Variants in GCFC2 observed in about 807,000 individuals in gnomAD.
The protein encoded by GCFC2 is intron Large complex component GCFC2.
GCFC2 carries 102 observed loss-of-function variants against 99.4 expected under a neutral mutation model. The observed-to-expected ratio is 1.03, with a 90% CI of 0.87 to 1.21. The LOEUF is 1.21. Ranked by LOEUF, GCFC2 falls within the 50% of genes most tolerant of loss-of-function variation. GCFC2 has a pLI of 0.00. For synonymous variants in GCFC2, 338 were observed against 316.8 expected (o/e 1.07, Z -0.71); for missense variants, 973 against 920.9 (o/e 1.06, Z -0.73).
rs750587457 is a variant in GCFC2, at chr2:75,710,585, G to A, written c.265+6C>T. 5.5e-5 allele frequency: 83 copies of A among 1,507,918 alleles called. No homozygotes were observed. The African/African-American group carries it at 1.1e-3, about 20-fold the overall frequency. 93.4% of individuals were successfully genotyped at this position (1,507,918 alleles called of 1,614,324 possible). A position where few individuals can be genotyped will look rare whatever the true frequency, so the allele number is the denominator to read the frequency against. On this transcript the variant is annotated splice_donor_region_variant and intron_variant, in intron 1 of 16. Coordinates refer to ENST00000321027, the MANE Select transcript of GCFC2 (RefSeq NM_003203.5). ...CCTCCCCGCTTCCCCGCGTCTCCCT[G>A]GACACCTGAGCCTTCGTCCGCGCGG...
At chr2:75,696,449 G>T in intron 4 of GCFC2, 134 bp from the exon 5 acceptor site, 2 of 471,554 alleles carry the variant, frequency 4.2e-6, no homozygotes, top group South Asian at 4.2e-5. Context: ...AATTTTTCAT[G>T]GTCCCAATAA....
Position 75,691,988 on chromosome 2 carries a change from T to C in GCFC2, c.1133A>G (p.Gln378Arg). The C allele has an allele frequency of 6.5e-7, 1 of 1,533,876 alleles. No individual in the cohort carries two copies. Among genetic ancestry groups the C allele is most frequent in the Non-Finnish European group, 8.8e-7 (1 of 1,133,316 alleles). Reference sequence around the variant, plus strand: ...CGAAAAACACTAACGTGATAACTGTTGTAAATACGTTGATTCATGTTTTAA... The same window carrying C: ...CGAAAAACACTAACGTGATAACTGTCGTAAATACGTTGATTCATGTTTTAA... Reference protein sequence around the residue: ...DELKHESTYLQQLSRKDETST... With the variant: ...DELKHESTYLRQLSRKDETST... The change falls in exon 7 of 17, where the codon CAA becomes CGA. Residue 378 changes from glutamine to arginine, a missense_variant. Coordinates refer to ENST00000321027, the MANE Select transcript of GCFC2 (RefSeq NM_003203.5).
upstream of GCFC2, chr2:75,710,924 C>T (rs1010528686): frequency 2.1e-6 from 3 of 1,400,638 alleles, no homozygotes; most frequent in East Asian, 3.0e-5. Context: ...GTGCCCGCCC[C>T]CTAGGGCGCG....
chr2:75,707,085 G>A (rs1319377054), intron 1 of GCFC2, among the ~76,000 whole-genome samples: 1 of 152,166 alleles, frequency 6.6e-6, no homozygotes, highest in Non-Finnish European at 1.5e-5. Flanking sequence ...TTTCTGATGA[G>A]TTCACTAAGG....
chr2:75,702,106 T>C (rs1680621977), intron 3 of GCFC2, 93 bp downstream of exon 3: 7 of 1,519,490 alleles, frequency 4.6e-6, no homozygotes, highest in Admixed American at 3.8e-5. Flanking sequence ...CACTATAAAA[T>C]GTGAGCCAGC....
intron 12 of GCFC2, among the ~76,000 whole-genome samples, chr2:75,673,789 T>C (rs718967): frequency 0.28 from 42,994 of 152,074 alleles, 9,508 homozygotes; most frequent in African/African-American, 0.63. Flanking sequence ...CTATTATAAA[T>C]AATGCTGCCA....
Position 75,710,715 on chromosome 2 carries a change from A to G in GCFC2, c.141T>C (p.Ser47=). ...CCGCCACCTGCGCGCGGCCTCCTCC[A>G]GAGGGCGGCTCTTCCTCCGCAGAAC... ...VPGSAEEEPP[S]GGGRAQVAGL... is the part of the protein sequence containing the mutation. Residue 47 remains serine (S), a synonymous_variant, in exon 1 of 17, where the codon TCT becomes TCC. Transcript: ENST00000321027. 6.5e-7 allele frequency: 1 copy of G among 1,548,870 alleles called. No individual in the cohort carries two copies. The highest frequency in any genetic ancestry group is 1.2e-5 in the South Asian group (1 of 84,138).
chr2:75,681,294 G>A (rs1679565312), intron 11 of GCFC2, among the ~76,000 whole-genome samples: 1 of 152,208 alleles, frequency 6.6e-6, no homozygotes, highest in African/African-American at 2.4e-5. Flanking sequence ...CTGAAGCAAG[G>A]TTGGGTGTTG....
chr2:75,672,961 T>C (rs1679171924), intron 13 of GCFC2, among the ~76,000 whole-genome samples: 1 of 152,182 alleles, frequency 6.6e-6, no homozygotes, highest in African/African-American at 2.4e-5. Context: ...CACTGAGAAA[T>C]ATTTGTTGAA....
chr2:75,682,788 T>A (rs913493008), intron 11 of GCFC2, among the ~76,000 whole-genome samples: 6 of 151,956 alleles, frequency 3.9e-5, no homozygotes, highest in South Asian at 4.2e-4. Flanking sequence ...CATGAGAATG[T>A]CGTGAAGCAT....
intron 10 of GCFC2, 28 bp from the exon 11 acceptor site, chr2:75,688,005 A>C: frequency 7.1e-7 from 1 of 1,414,774 alleles, no homozygotes; most frequent in Non-Finnish European, 9.7e-7. Context: ...AAAAGTTATA[A>C]AGAAATCTTT....
chr2:75,700,919 C>T (rs1172623809), intron 4 of GCFC2, among the ~76,000 whole-genome samples: 6 of 152,108 alleles, frequency 3.9e-5, no homozygotes, highest in South Asian at 4.1e-4. Flanking sequence ...GAAAAAGCCA[C>T]GTGAAGACAG....
chr2:75,679,939 G>C (rs1679495180), intron 12 of GCFC2: 1 of 437,354 alleles, frequency 2.3e-6, no homozygotes, highest in Admixed American at 4.0e-5. Context: ...TCACAGTGTT[G>C]AGAAGTATCA....
chr2:75,690,470 T>C (rs752667448), intron 8 of GCFC2, 168 bp downstream of exon 8: 1 of 576,272 alleles, frequency 1.7e-6, no homozygotes, highest in Non-Finnish European at 3.0e-6. Flanking sequence ...CCAATGTGTC[T>C]TTAAAGCAGT....
At chr2:75,686,215 T>TG in intron 11 of GCFC2, among the ~76,000 whole-genome samples, 1 of 152,322 alleles carries the variant, frequency 6.6e-6, no homozygotes, top group South Asian at 2.1e-4. Context: ...AAATGCACCA[T>TG]AAGTTTCATT....
rs1454496250 is a variant in GCFC2 at position 75,687,819 on chromosome 2, A to G, written c.1690+8T>C. 6.3e-7 allele frequency: 1 copy of G among 1,595,966 alleles called. No individual in the cohort carries two copies. Among genetic ancestry groups the G allele is most frequent in the Non-Finnish European group, 8.5e-7 (1 of 1,170,480 alleles). On this transcript the variant is annotated splice_region_variant and intron_variant, in intron 11 of 16. Coordinates refer to ENST00000321027, the MANE Select transcript of GCFC2 (RefSeq NM_003203.5). ...TAATTTAATTTTACCAAGGTTACGA[A>G]GCAGTACCTGTAAGTCGGGGAATAA...
rs1442117100 is a variant in GCFC2 at position 75,670,169 on chromosome 2, G to C, written c.2072C>G (p.Pro691Arg). 8.1e-6 allele frequency: 13 copies of C among 1,608,968 alleles called. No individual in the cohort carries two copies. Among genetic ancestry groups the C allele is most frequent in the Non-Finnish European group, 9.4e-6 (11 of 1,175,572 alleles). ...GCACTTTTTAACCACATCTGGCCCAGGTGTGGCATTGAGAAGTGCTATAAT... is the reference window on the plus strand; with the variant it reads ...GCACTTTTTAACCACATCTGGCCCACGTGTGGCATTGAGAAGTGCTATAAT... Reference protein sequence around the residue: ...YLIIALLNATPGPDVVKKCNQ... With the variant: ...YLIIALLNATRGPDVVKKCNQ... The change falls in exon 15 of 17, where the codon CCT becomes CGT. Residue 691 changes from proline to arginine, a missense_variant. Pro to Arg is a moderately radical substitution (Grantham distance 103). Coordinates refer to ENST00000321027, the MANE Select transcript of GCFC2 (RefSeq NM_003203.5).
chr2:75,692,082 T>A lies in GCFC2; in HGVS notation c.1039A>T (p.Ile347Leu), dbSNP rs569317467. The change falls in exon 7 of 17, where the codon ATA becomes TTA. Residue 347 changes from isoleucine (I) to leucine (L), a missense_variant. By Grantham distance (5) the Ile-to-Leu change is conservative (BLOSUM62 2). Coordinates refer to ENST00000321027, the MANE Select transcript of GCFC2 (RefSeq NM_003203.5). Reference protein sequence around the residue: ...LNEKIINIQEIESSMHALLLK... With the variant: ...LNEKIINIQELESSMHALLLK... ...AGGAGTGCATGCATGGATGATTCTA[T>A]TTCTTGGATGTTGATAATCTGAAAT... The A allele has an allele frequency of 6.7e-7, 1 of 1,497,680 alleles. No individual in the cohort carries two copies. The highest frequency in any genetic ancestry group is 9.0e-7 in the Non-Finnish European group (1 of 1,109,154). The allele number at this position is 1,497,680 out of a possible 1,614,324, so 92.8% of individuals were successfully genotyped here. A position where few individuals can be genotyped will look rare whatever the true frequency, so the allele number is the denominator to read the frequency against.
intron 4 of GCFC2, 21 bp from the exon 5 acceptor site, chr2:75,696,336 T>C: frequency 9.9e-7 from 1 of 1,009,284 alleles, no homozygotes. Flanking sequence ...AAAAATAGAT[T>C]TTTACAAAAC....
Sources: allele counts gnomAD v4.1 joint callset (sites outside exome capture counted in the v4.1 genomes callset), GRCh38; gene constraint gnomAD v4.1.1; transcripts MANE v1.5; gene names NCBI Gene and HGNC (gene_info 2026-07-23, HGNC 2026-07-21).